CHRNA3: variants seen among roughly 807,000 people sequenced by gnomAD.
CHRNA3 encodes the protein neuronal acetylcholine receptor subunit alpha-3.
In CHRNA3, 34 loss-of-function variants were observed where a neutral mutation model predicts 41.9. That is an observed-to-expected ratio of 0.81 (90% CI 0.62 to 1.08). The LOEUF (loss-of-function observed/expected upper bound fraction) is 1.08, where lower values mean the gene tolerates loss of function less well. Ranked by LOEUF, CHRNA3 falls within the 50% of genes least tolerant of loss-of-function variation. The pLI is 0.00. For synonymous variants in CHRNA3, 281 were observed against 265.2 expected, an observed-to-expected ratio of 1.06 and a Z score of -0.58; for missense variants, 542 against 638.3, an observed-to-expected ratio of 0.85 and a Z score of 1.63.
rs12906406 is a variant in CHRNA3 at position 78,620,745 on chromosome 15, A to C, written c.50T>G (p.Leu17Arg). The C allele has an allele frequency of 1.5e-6, 2 of 1,365,782 alleles. No individual in the cohort carries two copies. The highest frequency in any genetic ancestry group is 2.0e-6 in the Non-Finnish European group (2 of 1,020,358). 84.6% of individuals were successfully genotyped at this position (1,365,782 alleles called of 1,614,324 possible). A position where few individuals can be genotyped will look rare whatever the true frequency, so the allele number is the denominator to read the frequency against. ...CAGAGACAGCAGCAGCAGCAGCAGC[A>C]GCCGCGGCGGCGACAGCGCCAGGGG... is the stretch of plus-strand genomic sequence containing the variant. ...SLPLALSPPR[L>R]LLLLLLSLLP... is the part of the protein sequence containing the mutation. The change falls in exon 1 of 6, where the codon CTG becomes CGG. Residue 17 changes from leucine to arginine, a missense_variant. Coordinates refer to ENST00000326828, the MANE Select transcript of CHRNA3 (RefSeq NM_000743.5).
intron 4 of CHRNA3, among the ~76,000 whole-genome samples, chr15:78,613,021 T>C (rs948067336): frequency 6.6e-6 from 1 of 152,166 alleles, no homozygotes; most frequent in Non-Finnish European, 1.5e-5. Context: ...CACAATGAGA[T>C]ACCATCTCAC....
At chr15:78,600,799 C>G (rs540497767) in intron 5 of CHRNA3, among the ~76,000 whole-genome samples, 1 of 152,046 alleles carries the variant, frequency 6.6e-6, no homozygotes, top group East Asian at 1.9e-4. Context: ...AGCTGGGAGG[C>G]GGAAGTTGCA....
chr15:78,619,511 C>T (rs1051870333), intron 1 of CHRNA3, among the ~76,000 whole-genome samples: 5 of 152,068 alleles, frequency 3.3e-5, no homozygotes, highest in African/African-American at 9.7e-5. Context: ...TACCTCCCAG[C>T]CTCCGGGAGA....
At chr15:78,619,062 A>C (rs1230724604) in intron 1 of CHRNA3, 147 bp from the exon 2 acceptor site, 2 of 921,526 alleles carry the variant, frequency 2.2e-6, no homozygotes, top group Non-Finnish European at 3.2e-6. Context: ...AGTCTAACCC[A>C]GTGGGTTACA....
In CHRNA3 at chr15:78,596,498, A is replaced by G. The variant is rs201901143; in HGVS notation, c.*106T>C. ...AAAATAAGTAAACCTCGAAATGCCA[A>G]AAACAAAGCTGGTAGCTTGATAACA... On this transcript the variant is annotated 3_prime_UTR_variant, in exon 6 of 6. Coordinates refer to ENST00000326828, the MANE Select transcript of CHRNA3 (RefSeq NM_000743.5). 53 of 1,336,364 alleles carry G rather than the reference A, an allele frequency of 4.0e-5. No homozygotes were observed. The highest frequency in any genetic ancestry group is 2.9e-4 in the Middle Eastern group (1 of 3,430). The allele number at this position is 1,336,364 out of a possible 1,614,324, so 82.8% of individuals were successfully genotyped here.
downstream of CHRNA3, chr15:78,593,368 A>G: frequency 9.4e-7 from 1 of 1,063,084 alleles, no homozygotes. Context: ...TTAACAGACT[A>G]AGTTGCTAAC....
chr15:78,602,209 C>T lies in CHRNA3; in HGVS notation c.433G>A (p.Gly145Arg). Reference protein sequence around the residue: ...DKTKALLKYTGEVTWIPPAIF... With the variant: ...DKTKALLKYTREVTWIPPAIF... ...GCCGGAGGTATCCAAGTCACCTCCC[C>T]AGTGTACTTGAGTAAGGCTTTGGTC... Residue 145 changes from glycine (G) to arginine (R), a missense_variant, in exon 5 of 6, where the codon GGG becomes AGG. Transcript: ENST00000326828. 1 of 1,614,148 alleles carries T rather than the reference C, an allele frequency of 6.2e-7. No individual in the cohort carries two copies. Among genetic ancestry groups the T allele is most frequent in the Non-Finnish European group, 8.5e-7 (1 of 1,180,024 alleles).
Position 78,618,839 on chromosome 15 carries a change from T to C in CHRNA3, c.159A>G (p.Val53=), listed in dbSNP as rs8040868. ...FEDYNEIIRP[V]ANVSDPVIIH... The stretch of plus-strand genomic sequence containing the variant: ...TGATGACTGGGTCAGACACGTTGGC[T>C]ACAGGCCGGATGATCTCATTGTAAT... Residue 53 remains valine (V), a synonymous_variant, in exon 2 of 6, where the codon GTA becomes GTG. Coordinates refer to ENST00000326828, the MANE Select transcript of CHRNA3 (RefSeq NM_000743.5). 612,089 of 1,613,816 alleles carry C rather than the reference T, an allele frequency of 0.38. 117,850 individuals carry two copies. Among genetic ancestry groups the C allele is most frequent in the Middle Eastern group, 0.44 (2,639 of 6,054 alleles).
chr15:78,608,583 G>A (rs868004219), intron 4 of CHRNA3, among the ~76,000 whole-genome samples: 17 of 152,246 alleles, frequency 1.1e-4, no homozygotes, highest in Middle Eastern at 3.4e-3. Flanking sequence ...CCATCTGTAC[G>A]TCACCATCAT....
intron 4 of CHRNA3, among the ~76,000 whole-genome samples, chr15:78,603,706 G>C (rs527872571): frequency 1.3e-5 from 2 of 152,212 alleles, no homozygotes; most frequent in Admixed American, 6.5e-5. Flanking sequence ...CCTGGGTCTC[G>C]GTTGAGCAGG....
intron 4 of CHRNA3, among the ~76,000 whole-genome samples, chr15:78,608,443 C>T (rs957073325): frequency 4.6e-5 from 7 of 152,228 alleles, no homozygotes; most frequent in African/African-American, 1.4e-4. Flanking sequence ...TGTTCTGCAG[C>T]CACCGCTGCT....
At position 78,596,513 on chromosome 15, in the gene CHRNA3, G is replaced by A; in HGVS notation, c.*91C>T. 1.5e-6 allele frequency: 2 copies of A among 1,344,108 alleles called. No individual in the cohort carries two copies. Among genetic ancestry groups the A allele is most frequent in the East Asian group, 2.7e-5 (1 of 36,490 alleles). 83.3% of individuals were successfully genotyped at this position (1,344,108 alleles called of 1,614,324 possible). ...CGAAATGCCAAAAACAAAGCTGGTA[G>A]CTTGATAACAGAAAGTACGTTCTTA... is the stretch of plus-strand genomic sequence containing the variant. On this transcript the variant is annotated 3_prime_UTR_variant, in exon 6 of 6. Coordinates refer to ENST00000326828, the MANE Select transcript of CHRNA3 (RefSeq NM_000743.5).
chr15:78,601,748 C>T lies in CHRNA3; in HGVS notation c.894G>A (p.Ser298=), dbSNP rs200861571. 4.7e-5 allele frequency: 76 copies of T among 1,613,890 alleles called. No individual in the cohort carries two copies. The highest frequency in any genetic ancestry group is 1.6e-4 in the Middle Eastern group (1 of 6,084). ...ACTCTCCAATCAGGGGGATGACCAG[C>T]GAGGTGGAAGGGATGGTCTCAGTGA... ...LVITETIPST[S]LVIPLIGEYL... Residue 298 remains serine, a synonymous_variant, in exon 5 of 6, where the codon TCG becomes TCA. Transcript: ENST00000326828.
At chr15:78,614,630 C>T (rs1292631003) in intron 4 of CHRNA3, among the ~76,000 whole-genome samples, 2 of 152,126 alleles carry the variant, frequency 1.3e-5, no homozygotes, top group Non-Finnish European at 2.9e-5. Flanking sequence ...ACTAATATGG[C>T]ATAAAAACCT....
At chr15:78,593,729 G>A (rs911466042), downstream of CHRNA3, 3 of 152,264 alleles carry the variant, frequency 2.0e-5, no homozygotes, top group African/African-American at 7.2e-5. Flanking sequence ...ATTACTTAAT[G>A]TGATGCTTGA....
intron 4 of CHRNA3, among the ~76,000 whole-genome samples, chr15:78,613,512 T>C (rs62010330): frequency 0.12 from 16,665 of 137,242 alleles, 1,260 homozygotes; most frequent in South Asian, 0.34. Flanking sequence ...TAGGTGGGAA[T>C]TGAACAATGA....
At chr15:78,593,195 T>C (rs1456048111), downstream of CHRNA3, 1 of 1,613,750 alleles carries the variant, frequency 6.2e-7, no homozygotes, top group South Asian at 1.1e-5. Context: ...TTTGTTCCTG[T>C]TATTTATAAA....
intron 1 of CHRNA3, chr15:78,620,130 C>A (rs117832812): frequency 0.055 from 8,339 of 152,500 alleles, 285 homozygotes; most frequent in Middle Eastern, 0.12. Flanking sequence ...CTCTGGAGAG[C>A]GGGAGGAAGA....
intron 4 of CHRNA3, among the ~76,000 whole-genome samples, chr15:78,612,929 CAAAAG>C (rs1489445415): frequency 6.6e-6 from 1 of 151,852 alleles, no homozygotes; most frequent in Non-Finnish European, 1.5e-5. Flanking sequence ...AGACACTTCT[CAAAAG>C]AAGACATTTA....
Sources: gnomAD v4.1 joint callset for allele counts (sites outside exome capture counted in the v4.1 genomes callset) on GRCh38, gnomAD v4.1.1 for gene constraint, MANE v1.5 for transcripts, NCBI Gene and HGNC (gene_info 2026-07-23, HGNC 2026-07-21) for gene names.